The following KCNQ3 variants were observed in gnomAD, a reference collection of about 807,000 sequenced individuals.
KCNQ3 encodes the protein potassium voltage-gated channel subfamily Q member 3, also known as potassium voltage-gated channel subfamily KQT member 3.
A neutral mutation model predicts 92.5 loss-of-function variants in KCNQ3; 30 were observed. The ratio of observed to expected loss-of-function variants is 0.32; its 90% CI spans 0.24 to 0.44. KCNQ3 has a LOEUF of 0.44. Among genes scored for constraint, KCNQ3 ranks in the 20% least tolerant of loss-of-function variants. KCNQ3 has a pLI of 1.00. For missense variants in KCNQ3, 913 were observed against 1,140.3 expected (o/e 0.80, Z 2.87); for synonymous variants, 450 against 468.8 (o/e 0.96, Z 0.52).
At chr8:132,257,799 A>G (rs1295863333) in intron 1 of KCNQ3, among the ~76,000 whole-genome samples, 1 of 152,058 alleles carries the variant, frequency 6.6e-6, no homozygotes. Context: ...TTAAAAACAT[A>G]AAAAGATTAA....
At chr8:132,309,109 C>T (rs78477641) in intron 1 of KCNQ3, among the ~76,000 whole-genome samples, 1,988 of 152,232 alleles carry the variant, frequency 0.013, 14 homozygotes, top group Non-Finnish European at 0.02. Flanking sequence ...CATGAAAAGA[C>T]TAGACTGGTT....
intron 1 of KCNQ3, among the ~76,000 whole-genome samples, chr8:132,474,552 C>A (rs1218167146): frequency 6.6e-6 from 1 of 152,138 alleles, no homozygotes; most frequent in Non-Finnish European, 1.5e-5. Context: ...TAATTAAAGT[C>A]CTGTAATGCT....
chr8:132,255,847 A>T (rs1415121661), intron 1 of KCNQ3, among the ~76,000 whole-genome samples: 2 of 152,240 alleles, frequency 1.3e-5, no homozygotes, highest in African/African-American at 4.8e-5. Flanking sequence ...TCATTTAAAA[A>T]TTACATAAAC....
chr8:132,464,672 CATG>C (rs1822132676), intron 1 of KCNQ3, among the ~76,000 whole-genome samples: 1 of 152,212 alleles, frequency 6.6e-6, no homozygotes, highest in Non-Finnish European at 1.5e-5. Flanking sequence ...ATCCTGTACA[CATG>C]ATGAAATGTA....
intron 1 of KCNQ3, among the ~76,000 whole-genome samples, chr8:132,202,764 AC>A (rs1283874788): frequency 3.9e-5 from 6 of 152,088 alleles, no homozygotes; most frequent in Admixed American, 1.3e-4. Flanking sequence ...GCTCACTGCA[AC>A]CTCTGCCTCC....
chr8:132,263,799 C>T (rs1041817018), intron 1 of KCNQ3, among the ~76,000 whole-genome samples: 2 of 152,182 alleles, frequency 1.3e-5, no homozygotes, highest in African/African-American at 2.4e-5. Flanking sequence ...ATGACTTCAT[C>T]TTGGGCTCCC....
At chr8:132,171,201 T>A (rs1459668505) in intron 7 of KCNQ3, among the ~76,000 whole-genome samples, 1 of 152,198 alleles carries the variant, frequency 6.6e-6, no homozygotes, top group East Asian at 1.9e-4. Flanking sequence ...ATCTCTAGGA[T>A]TCTCTGATGG....
At chr8:132,218,686 G>C (rs1397546184) in intron 1 of KCNQ3, among the ~76,000 whole-genome samples, 2 of 152,108 alleles carry the variant, frequency 1.3e-5, no homozygotes, top group East Asian at 3.9e-4. Context: ...TGGTATGTTT[G>C]GATTCAAAAT....
intron 1 of KCNQ3, among the ~76,000 whole-genome samples, chr8:132,248,205 A>G (rs1309199420): frequency 6.6e-6 from 1 of 152,122 alleles, no homozygotes; most frequent in Non-Finnish European, 1.5e-5. Context: ...AATTACAGCT[A>G]CTATTCTGGG....
chr8:132,476,432 C>A (rs1461491691), intron 1 of KCNQ3, among the ~76,000 whole-genome samples: 2 of 152,200 alleles, frequency 1.3e-5, no homozygotes, highest in African/African-American at 4.8e-5. Flanking sequence ...AGGAGTTGAA[C>A]CCTGTAGAGT....
chr8:132,354,392 CCT>C (rs758011123), intron 1 of KCNQ3, among the ~76,000 whole-genome samples: 2 of 152,156 alleles, frequency 1.3e-5, no homozygotes, highest in Non-Finnish European at 2.9e-5. Flanking sequence ...CCAGTTTATC[CCT>C]GCAGATCACC....
intron 12 of KCNQ3, among the ~76,000 whole-genome samples, chr8:132,134,692 AT>A (rs1365575532): frequency 6.6e-6 from 1 of 151,946 alleles, no homozygotes. Context: ...GCATCTTTCT[AT>A]CCCAGGAGAG....
intron 1 of KCNQ3, among the ~76,000 whole-genome samples, chr8:132,354,213 G>C (rs1381731702): frequency 1.3e-5 from 2 of 152,164 alleles, no homozygotes; most frequent in Non-Finnish European, 2.9e-5. Context: ...TGGCTCCTGT[G>C]TGCTCTCATG....
intron 1 of KCNQ3, among the ~76,000 whole-genome samples, chr8:132,436,401 G>A (rs756455010): frequency 4.6e-5 from 7 of 152,066 alleles, no homozygotes; most frequent in African/African-American, 7.2e-5. Context: ...AGATCCATGC[G>A]GAATACCTCA....
chr8:132,214,315 T>C (rs1813957178), intron 1 of KCNQ3, among the ~76,000 whole-genome samples: 1 of 152,238 alleles, frequency 6.6e-6, no homozygotes, highest in Non-Finnish European at 1.5e-5. Flanking sequence ...CTGAAGATGA[T>C]TTTAAATGAA....
chr8:132,190,681 T>C (rs62519622), intron 1 of KCNQ3, among the ~76,000 whole-genome samples: 18,193 of 152,170 alleles, frequency 0.12, 2,060 homozygotes, highest in African/African-American at 0.3. Flanking sequence ...TGCTGCTTCG[T>C]GAGATGCTCA....
chr8:132,421,286 T>G (rs1331031152), intron 1 of KCNQ3, among the ~76,000 whole-genome samples: 2 of 152,138 alleles, frequency 1.3e-5, no homozygotes, highest in Non-Finnish European at 2.9e-5. Context: ...ATGGTAGCAG[T>G]CTGGGCCCAA....
chr8:132,324,171 AATCCCAGGAAGACTTCC>A (rs1817974537), intron 1 of KCNQ3, among the ~76,000 whole-genome samples: 1 of 152,184 alleles, frequency 6.6e-6, no homozygotes, highest in African/African-American at 2.4e-5. Flanking sequence ...ATGTCAACTC[AATCCCAGGAAGACTTCC>A]CTGATGTCCT....
intron 1 of KCNQ3, among the ~76,000 whole-genome samples, chr8:132,442,783 C>G (rs1006832510): frequency 6.6e-6 from 1 of 152,212 alleles, no homozygotes; most frequent in Non-Finnish European, 1.5e-5. Flanking sequence ...TCCCTTTGAA[C>G]ATTTTCCTGC....
Sources: allele counts gnomAD v4.1 joint callset (sites outside exome capture counted in the v4.1 genomes callset), GRCh38; gene constraint gnomAD v4.1.1; transcripts MANE v1.5; gene names NCBI Gene and HGNC (gene_info 2026-07-23, HGNC 2026-07-21).